Variants in ATXN7 observed in about 807,000 individuals in gnomAD.
ATXN7 encodes the protein ataxin-7.
In ATXN7, 12 loss-of-function variants were observed where a neutral mutation model predicts 70.5. The ratio of observed to expected loss-of-function variants is 0.17; its 90% CI spans 0.11 to 0.28. The LOEUF is 0.28. ATXN7 is among the 10% of genes least tolerant of loss of function. The pLI is 1.00. For missense variants in ATXN7, 1,256 were observed against 1,131.7 expected (o/e 1.11, Z -1.58); for synonymous variants, 498 against 448.7 (o/e 1.11, Z -1.39).
At chr3:63,999,039 C>T (rs919853754) in intron 12 of ATXN7, 14 of 167,024 alleles carry the variant, frequency 8.4e-5, no homozygotes, top group East Asian at 1.6e-4. Context: ...GCCTTGAGTG[C>T]GAACTGTCAC....
chr3:63,892,307 A>G (rs921274994), intron 1 of ATXN7, among the ~76,000 whole-genome samples: 10 of 151,800 alleles, frequency 6.6e-5, no homozygotes, highest in African/African-American at 2.2e-4. Context: ...CTGGTAGACT[A>G]TTGGGGAACA....
chr3:63,899,281 C>G (rs1257243358), intron 2 of ATXN7, among the ~76,000 whole-genome samples: 1 of 151,756 alleles, frequency 6.6e-6, no homozygotes, highest in Admixed American at 6.6e-5. Context: ...AGACTGGTCT[C>G]GAACCCCTGA....
At chr3:63,887,274 C>G (rs1703117335) in intron 1 of ATXN7, among the ~76,000 whole-genome samples, 1 of 152,206 alleles carries the variant, frequency 6.6e-6, no homozygotes, top group Admixed American at 6.5e-5. Context: ...AAATGACTTA[C>G]ACTGGCTTTG....
chr3:63,921,899 A>T (rs965329807), intron 4 of ATXN7, among the ~76,000 whole-genome samples: 4 of 152,242 alleles, frequency 2.6e-5, no homozygotes, highest in Non-Finnish European at 4.4e-5. Context: ...TCAAGTCATC[A>T]GCCAGGACTG....
intron 12 of ATXN7, among the ~76,000 whole-genome samples, chr3:63,997,248 T>C (rs1057347981): frequency 4.6e-5 from 7 of 151,508 alleles, no homozygotes; most frequent in Non-Finnish European, 8.8e-5. Context: ...TGAGACTATG[T>C]CTCAAAAAAA....
intron 8 of ATXN7, among the ~76,000 whole-genome samples, chr3:63,986,874 G>A (rs2075586234): frequency 6.6e-6 from 1 of 152,176 alleles, no homozygotes; most frequent in Non-Finnish European, 1.5e-5. Context: ...TTTGTATTAT[G>A]TGTAGGGGCA....
chr3:63,921,384 A>G (rs1704504918), intron 4 of ATXN7, among the ~76,000 whole-genome samples: 1 of 152,236 alleles, frequency 6.6e-6, no homozygotes, highest in Admixed American at 6.5e-5. Context: ...AGAAAGTTTC[A>G]GAAATAATTT....
rs549745581 is a variant in ATXN7, at chr3:63,956,009, A to G, written c.499+3526A>G. On this transcript the variant is annotated intron_variant, in intron 5 of 12. Transcript: ENST00000674280. ...GAAGCCCTGTACTTTTTTGCTAGCC[A>G]AGCTGCAGTTTTAGGAGTTAACAAT... 2.6e-5 allele frequency among the ~76,000 whole-genome samples: 4 copies of G among 152,282 alleles called. No homozygotes were observed. The South Asian group carries it at 8.3e-4, about 32-fold the overall frequency.
chr3:63,999,591 G>T lies in ATXN7; in HGVS notation c.*124G>T. The T allele has an allele frequency of 6.5e-7, 1 of 1,530,524 alleles. No homozygotes were observed. The highest frequency in any genetic ancestry group is 1.2e-5 in the South Asian group (1 of 84,242). The allele number at this position is 1,530,524 out of a possible 1,614,324, so 94.8% of individuals were successfully genotyped here. ...TTTCCCAACCTCCTGTGGGCCTCAA[G>T]GGTAGAAACCTGCCGGGCTGTTGTT... On this transcript the variant is annotated 3_prime_UTR_variant, in exon 13 of 13. Coordinates refer to ENST00000674280, the MANE Select transcript of ATXN7 (RefSeq NM_001377405.1).
At chr3:63,997,927 T>C (rs1374716063) in intron 12 of ATXN7, 2 of 985,320 alleles carry the variant, frequency 2.0e-6, no homozygotes, top group Non-Finnish European at 2.4e-6. Flanking sequence ...TTTGGCATTC[T>C]GATCATGGGA....
At chr3:63,912,404 G>C (rs531474974) in intron 2 of ATXN7, among the ~76,000 whole-genome samples, 184 bp from the exon 3 acceptor site, 1 of 151,514 alleles carries the variant, frequency 6.6e-6, no homozygotes, top group Non-Finnish European at 1.5e-5. Context: ...CCGCGCCGCG[G>C]ACTTTGAGCC....
intron 12 of ATXN7, chr3:63,998,530 A>C (rs1377742098): frequency 3.0e-6 from 3 of 985,298 alleles, no homozygotes; most frequent in African/African-American, 3.5e-5. Context: ...CAGACAGCCT[A>C]ACTTTGGGCT....
At chr3:63,984,788 C>T (rs1422024412) in intron 8 of ATXN7, among the ~76,000 whole-genome samples, 6 of 152,182 alleles carry the variant, frequency 3.9e-5, no homozygotes, top group South Asian at 4.1e-4. Flanking sequence ...CTCCTTATTT[C>T]GCTCTCCCTT....
intron 1 of ATXN7, among the ~76,000 whole-genome samples, chr3:63,867,409 G>T (rs1393151791): frequency 1.3e-5 from 2 of 152,050 alleles, no homozygotes; most frequent in Non-Finnish European, 2.9e-5. Flanking sequence ...CATGAAACTG[G>T]CTCACTGCAT....
At chr3:63,899,120 T>C (rs764377746) in intron 2 of ATXN7, among the ~76,000 whole-genome samples, 3 of 151,872 alleles carry the variant, frequency 2.0e-5, no homozygotes, top group Non-Finnish European at 2.9e-5. Flanking sequence ...TGGAGTGTAG[T>C]GGCATGATCG....
chr3:63,960,293 A>T (rs1228833619), intron 5 of ATXN7, among the ~76,000 whole-genome samples: 2 of 152,178 alleles, frequency 1.3e-5, no homozygotes, highest in Non-Finnish European at 2.9e-5. Context: ...AAGGGGTCCA[A>T]GTTGAAACTG....
At chr3:63,926,674 C>T (rs1221864839) in intron 4 of ATXN7, among the ~76,000 whole-genome samples, 1 of 152,150 alleles carries the variant, frequency 6.6e-6, no homozygotes, top group Non-Finnish European at 1.5e-5. Flanking sequence ...CTCCTCAGTT[C>T]TTGCATATGC....
intron 11 of ATXN7, among the ~76,000 whole-genome samples, chr3:63,991,829 A>AC (rs1273843374): frequency 4.6e-5 from 7 of 152,122 alleles, no homozygotes; most frequent in African/African-American, 1.7e-4. Flanking sequence ...TGTAAAAAAA[A>AC]AAAAAGGTTC....
Position 63,980,146 on chromosome 3 carries a change from G to A in ATXN7, c.731G>A (p.Ser244Asn). ...NTRPMHPIQQSRVPHGRIMTP... is the reference protein window; with the variant it reads ...NTRPMHPIQQNRVPHGRIMTP... Reference sequence around the variant, plus strand: ...AGGCCAATGCATCCCATTCAGCAAAGTAGAGTTCCCCATGGTAGAATGTGA... The same window carrying A: ...AGGCCAATGCATCCCATTCAGCAAAATAGAGTTCCCCATGGTAGAATGTGA... Residue 244 changes from serine (S) to asparagine (N), a missense_variant, in exon 6 of 13, where the codon AGT becomes AAT. By Grantham distance (46) the Ser-to-Asn change is conservative. Transcript: ENST00000674280. 6 of 1,614,176 alleles carry A rather than the reference G, an allele frequency of 3.7e-6. No homozygotes were observed. The highest frequency in any genetic ancestry group is 5.1e-6 in the Non-Finnish European group (6 of 1,180,034).
Sources: allele counts gnomAD v4.1 joint callset (sites outside exome capture counted in the v4.1 genomes callset), GRCh38; gene constraint gnomAD v4.1.1; transcripts MANE v1.5; gene names NCBI Gene and HGNC (gene_info 2026-07-23, HGNC 2026-07-21).